Variants in CD274 observed in about 807,000 individuals in gnomAD.
CD274 encodes programmed cell death 1 ligand 1.
Under a neutral mutation model 30.1 loss-of-function variants are expected in CD274, and 8 were observed. That is an observed-to-expected ratio of 0.27 (90% CI 0.16 to 0.48). The LOEUF is 0.48. CD274 is among the 20% of genes least tolerant of loss of function. The probability of loss-of-function intolerance (pLI) is 0.99; values close to 1 mark genes in which losing one functional copy is unlikely to be tolerated. For synonymous variants in CD274, 152 were observed against 124.6 expected, an observed-to-expected ratio of 1.22 and a Z score of -1.46; for missense variants, 353 against 346.6, an observed-to-expected ratio of 1.02 and a Z score of -0.15.
chr9:5,456,500 A>T (rs754260278), intron 2 of CD274, among the ~76,000 whole-genome samples: 4 of 152,222 alleles, frequency 2.6e-5, no homozygotes, highest in Non-Finnish European at 4.4e-5. Flanking sequence ...AGATCCTTTG[A>T]TCTTTCAGTC....
chr9:5,454,103 T>C (rs979113700), intron 1 of CD274, among the ~76,000 whole-genome samples: 1 of 152,270 alleles, frequency 6.6e-6, no homozygotes, highest in African/African-American at 2.4e-5. Context: ...GGACTCCATT[T>C]TGGGGTTCTT....
intron 2 of CD274, 94 bp downstream of exon 2, chr9:5,456,259 T>C (rs992371528): frequency 1.3e-6 from 1 of 779,690 alleles, no homozygotes; most frequent in African/African-American, 1.8e-5. Context: ...CATGCAATTT[T>C]CTTATAGAGA....
chr9:5,451,423 C>T (rs1461451125), intron 1 of CD274, among the ~76,000 whole-genome samples: 1 of 152,200 alleles, frequency 6.6e-6, no homozygotes, highest in Non-Finnish European at 1.5e-5. Context: ...ATATATATCT[C>T]TGGAATATTG....
intron 4 of CD274, among the ~76,000 whole-genome samples, chr9:5,463,637 G>A (rs113206729): frequency 3.9e-5 from 6 of 152,120 alleles, no homozygotes; most frequent in African/African-American, 9.7e-5. Flanking sequence ...CTTTCTCCCC[G>A]GTGCCTCTCC....
intron 1 of CD274, among the ~76,000 whole-genome samples, chr9:5,453,164 G>A (rs373168332): frequency 2.0e-5 from 3 of 152,032 alleles, no homozygotes; most frequent in East Asian, 1.9e-4. Flanking sequence ...CAGGATAGAC[G>A]GAAAGGAAAG....
chr9:5,453,467 C>T (rs1347459953), intron 1 of CD274, among the ~76,000 whole-genome samples: 1 of 152,180 alleles, frequency 6.6e-6, no homozygotes, highest in Non-Finnish European at 1.5e-5. Flanking sequence ...CAGGGCCTAG[C>T]CTGGGGCCCT....
intron 1 of CD274, among the ~76,000 whole-genome samples, chr9:5,453,275 T>C (rs930532004): frequency 2.6e-5 from 4 of 152,224 alleles, no homozygotes; most frequent in Admixed American, 1.3e-4. Flanking sequence ...TACAGGTTGA[T>C]AAGAAACCAG....
intron 3 of CD274, among the ~76,000 whole-genome samples, chr9:5,460,201 G>T (rs918667423): frequency 6.6e-6 from 1 of 152,066 alleles, no homozygotes; most frequent in African/African-American, 2.4e-5. Flanking sequence ...GAACAGATTT[G>T]GATATGTGAA....
intron 1 of CD274, among the ~76,000 whole-genome samples, chr9:5,451,560 T>C (rs929867392): frequency 6.6e-6 from 1 of 152,324 alleles, no homozygotes; most frequent in East Asian, 1.9e-4. Flanking sequence ...ACAATGACAG[T>C]CGTCAACAGT....
intron 5 of CD274, chr9:5,465,948 G>C (rs1200062114): frequency 5.8e-6 from 1 of 171,154 alleles, no homozygotes; most frequent in Non-Finnish European, 1.2e-5. Flanking sequence ...GCTGGTTTCT[G>C]GGTACCCTAA....
chr9:5,452,893 G>C (rs1377086773), intron 1 of CD274, among the ~76,000 whole-genome samples: 1 of 150,176 alleles, frequency 6.7e-6, no homozygotes, highest in East Asian at 2.0e-4. Context: ...TGCTTTGCTT[G>C]GCATTAGGGG....
rs1490091896 is a variant in CD274 at position 5,466,767 on chromosome 9, A to G, written c.791-3A>G. 6.2e-7 allele frequency: 1 copy of G among 1,608,926 alleles called. No homozygotes were observed. The highest frequency in any genetic ancestry group is 8.5e-7 in the Non-Finnish European group (1 of 1,176,692). ...GAAATAAAAATGATTTCTTTTTCTC[A>G]AGGGAGAATGATGGATGTGAAAAAA... On this transcript the variant is annotated splice_region_variant and splice_polypyrimidine_tract_variant and intron_variant, in intron 5 of 6. Transcript: ENST00000381577.
At position 5,456,150 on chromosome 9, in the gene CD274, T is replaced by C. The variant is rs765955659; in HGVS notation, c.37T>C (p.Trp13Arg). 6.2e-7 allele frequency: 1 copy of C among 1,606,900 alleles called. No homozygotes were observed. The highest frequency in any genetic ancestry group is 8.5e-7 in the Non-Finnish European group (1 of 1,173,634). ...TGCTGTCTTTATATTCATGACCTACTGGCATTTGCTGAACGGTAAGACACC... is the reference window on the plus strand; with the variant it reads ...TGCTGTCTTTATATTCATGACCTACCGGCATTTGCTGAACGGTAAGACACC... ...IFAVFIFMTYWHLLNAFTVTV... is the reference protein window; with the variant it reads ...IFAVFIFMTYRHLLNAFTVTV... Residue 13 changes from tryptophan (W) to arginine (R), a missense_variant, in exon 2 of 7, where the codon TGG becomes CGG. Trp to Arg is a moderately radical substitution (Grantham distance 101). Coordinates refer to ENST00000381577, the MANE Select transcript of CD274 (RefSeq NM_014143.4).
At chr9:5,462,218 AT>A (rs1357905994) in intron 3 of CD274, among the ~76,000 whole-genome samples, 1 of 152,216 alleles carries the variant, frequency 6.6e-6, no homozygotes, top group Non-Finnish European at 1.5e-5. Flanking sequence ...ATTTCTGATC[AT>A]TGACTTCAAA....
chr9:5,463,292 T>G (rs377198934), intron 4 of CD274, 171 bp downstream of exon 4: 1 of 613,344 alleles, frequency 1.6e-6, no homozygotes, highest in Non-Finnish European at 2.9e-6. Flanking sequence ...CAAACCATAT[T>G]GTTACTTAAT....
intron 6 of CD274, among the ~76,000 whole-genome samples, chr9:5,467,180 C>T (rs541466757): frequency 7.0e-6 from 1 of 143,278 alleles, no homozygotes; most frequent in Admixed American, 7.3e-5. Context: ...CTCATTTAAT[C>T]CCCCACCCCT....
At chr9:5,465,063 G>C (rs1819473403) in intron 4 of CD274, among the ~76,000 whole-genome samples, 1 of 150,066 alleles carries the variant, frequency 6.7e-6, no homozygotes, top group Non-Finnish European at 1.5e-5. Flanking sequence ...CTCCACCCTG[G>C]GCAACAGAGA....
At position 5,450,910 on chromosome 9, in the gene CD274, C is replaced by T. The variant is rs561655393; in HGVS notation, c.-15+314C>T. ...GCGACTGTGTGTTCAGAATATAGCT[C>T]TGATGCTAGGCTGGAGGTCTGGACA... On this transcript the variant is annotated intron_variant, in intron 1 of 6. Transcript: ENST00000381577. Among the ~76,000 whole-genome samples the T allele has an allele frequency of 1.8e-4, 27 of 152,318 alleles. No homozygotes were observed. The South Asian group carries it at 5.6e-3, about 32-fold the overall frequency.
In CD274 at chr9:5,469,472, T is replaced by C. The variant is rs760168795; in HGVS notation, c.*1610T>C. ...AAGATAGTCTACATTTGGAAATGTA[T>C]GTTAAAAGCACGTATTTTTAAAATT... On this transcript the variant is annotated 3_prime_UTR_variant, in exon 7 of 7. Coordinates refer to ENST00000381577, the MANE Select transcript of CD274 (RefSeq NM_014143.4). The C allele has an allele frequency of 1.3e-5, 3 of 231,160 alleles. No individual in the cohort carries two copies. Among genetic ancestry groups the C allele is most frequent in the South Asian group, 1.8e-4 (1 of 5,506 alleles). 14.3% of individuals were successfully genotyped at this position (231,160 alleles called of 1,614,324 possible). A position where few individuals can be genotyped will look rare whatever the true frequency, so the allele number is the denominator to read the frequency against.
Sources: gnomAD v4.1 joint callset for allele counts (sites outside exome capture counted in the v4.1 genomes callset) on GRCh38, gnomAD v4.1.1 for gene constraint, MANE v1.5 for transcripts, NCBI Gene and HGNC (gene_info 2026-07-23, HGNC 2026-07-21) for gene names.